LSAMP: variants seen among roughly 807,000 people sequenced by gnomAD.
LSAMP encodes the protein limbic system-associated membrane protein.
In LSAMP, 7 loss-of-function variants were observed where a neutral mutation model predicts 38.6. The observed-to-expected ratio is 0.18, with a 90% CI of 0.10 to 0.34. The LOEUF (loss-of-function observed/expected upper bound fraction) is 0.34, where lower values mean the gene tolerates loss of function less well. Among genes scored for constraint, LSAMP ranks in the 10% least tolerant of loss-of-function variants. The pLI is 1.00. For synonymous variants in LSAMP, 154 were observed against 166.8 expected (o/e 0.92, Z 0.59); for missense variants, 313 against 420.0 (o/e 0.75, Z 2.23).
At chr3:116,302,568 C>G (rs2047424436) in intron 1 of LSAMP, among the ~76,000 whole-genome samples, 1 of 152,184 alleles carries the variant, frequency 6.6e-6, no homozygotes, top group South Asian at 2.1e-4. Context: ...TTTTTGTAGA[C>G]TGTTGTTGAA....
chr3:116,263,053 C>A (rs1417506050), intron 1 of LSAMP, among the ~76,000 whole-genome samples: 1 of 152,158 alleles, frequency 6.6e-6, no homozygotes, highest in East Asian at 1.9e-4. Context: ...CCTGGGGAAG[C>A]CTGTCTGCTC....
At chr3:116,155,524 G>A (rs1022095402) in intron 1 of LSAMP, among the ~76,000 whole-genome samples, 22 of 151,812 alleles carry the variant, frequency 1.4e-4, no homozygotes, top group African/African-American at 5.3e-4. Context: ...CACTGCACTC[G>A]GCCCTATTTT....
At position 116,268,314 on chromosome 3, in the gene LSAMP, C is replaced by A. The variant is rs567422324; in HGVS notation, c.155+176563G>T. 2.6e-5 allele frequency among the ~76,000 whole-genome samples: 4 copies of A among 152,188 alleles called. No individual in the cohort carries two copies. In the East Asian group the frequency reaches 7.7e-4, roughly 29 times the overall value. On this transcript the variant is annotated intron_variant, in intron 1 of 6. Coordinates refer to ENST00000490035, the MANE Select transcript of LSAMP (RefSeq NM_002338.5). ...AGAGTGGTCATGTACACCACAAATG[C>A]TCCTCTGCCTGGCCAACCCAAATGC...
chr3:116,323,656 T>C (rs965672121), intron 1 of LSAMP, among the ~76,000 whole-genome samples: 1 of 152,120 alleles, frequency 6.6e-6, no homozygotes, highest in African/African-American at 2.4e-5. Context: ...CATAGGTTCT[T>C]GGAAAAGCAG....
chr3:116,036,741 C>G (rs976843545), intron 2 of LSAMP, among the ~76,000 whole-genome samples: 4 of 152,136 alleles, frequency 2.6e-5, no homozygotes, highest in Non-Finnish European at 5.9e-5. Context: ...AAATGGCATT[C>G]TCATCAATAG....
intron 3 of LSAMP, among the ~76,000 whole-genome samples, chr3:115,883,540 G>A (rs1254810086): frequency 1.3e-5 from 2 of 152,022 alleles, no homozygotes; most frequent in Non-Finnish European, 2.9e-5. Context: ...GAAGGGATGG[G>A]CATATTATTG....
At chr3:116,346,822 A>G (rs1043023533) in intron 1 of LSAMP, among the ~76,000 whole-genome samples, 6 of 152,182 alleles carry the variant, frequency 3.9e-5, no homozygotes, top group African/African-American at 1.4e-4. Context: ...TTCTACACAT[A>G]TCCTAGAGCA....
chr3:115,840,297 G>A (rs760045859), intron 6 of LSAMP, among the ~76,000 whole-genome samples: 1 of 151,956 alleles, frequency 6.6e-6, no homozygotes, highest in Non-Finnish European at 1.5e-5. Flanking sequence ...GCTTAACCAG[G>A]TCAACTCAGA....
chr3:115,924,003 CA>C (rs1264458258), intron 3 of LSAMP, among the ~76,000 whole-genome samples: 6 of 151,970 alleles, frequency 3.9e-5, no homozygotes, highest in African/African-American at 1.4e-4. Flanking sequence ...CAGTATCTAG[CA>C]AGGCCATCAG....
chr3:116,174,911 A>G (rs1414425425), intron 1 of LSAMP, among the ~76,000 whole-genome samples: 1 of 151,992 alleles, frequency 6.6e-6, no homozygotes, highest in Non-Finnish European at 1.5e-5. Flanking sequence ...GCTTCAGTTC[A>G]TTTCCTATCG....
At chr3:116,198,311 G>T (rs186682843) in intron 1 of LSAMP, among the ~76,000 whole-genome samples, 78 of 152,252 alleles carry the variant, frequency 5.1e-4, no homozygotes, top group African/African-American at 1.8e-3. Context: ...GTGTTATGTA[G>T]GTTAAGGGAG....
intron 1 of LSAMP, among the ~76,000 whole-genome samples, chr3:116,232,695 C>CTTT (rs1358749128): frequency 1.5e-4 from 4 of 27,304 alleles, no homozygotes; most frequent in Non-Finnish European, 4.4e-4. Flanking sequence ...TTCTTTCTTT[C>CTTT]TTTCTTTTTT....
At chr3:116,347,161 C>A (rs553666101) in intron 1 of LSAMP, among the ~76,000 whole-genome samples, 1 of 152,218 alleles carries the variant, frequency 6.6e-6, no homozygotes, top group Middle Eastern at 3.4e-3. Context: ...AGTGCTGATA[C>A]TTTTATACTT....
At chr3:116,437,027 ATATATATATATGTG>A (rs768465361) in intron 1 of LSAMP, among the ~76,000 whole-genome samples, 1 of 141,110 alleles carries the variant, frequency 7.1e-6, no homozygotes, top group Non-Finnish European at 1.5e-5. Context: ...ATGTGTGTGT[ATATATATATATGTG>A]TATATATATA....
At chr3:116,061,896 A>G (rs921465650) in intron 2 of LSAMP, among the ~76,000 whole-genome samples, 1 of 152,190 alleles carries the variant, frequency 6.6e-6, no homozygotes, top group Non-Finnish European at 1.5e-5. Context: ...ATTCAAGGAT[A>G]TTATTGCTAT....
At chr3:115,999,524 G>T (rs1489971212) in intron 3 of LSAMP, among the ~76,000 whole-genome samples, 1 of 152,144 alleles carries the variant, frequency 6.6e-6, no homozygotes, top group Non-Finnish European at 1.5e-5. Flanking sequence ...TGAAGGATGA[G>T]CTTCAGGGGA....
rs564061711 is a variant in LSAMP at position 116,100,729 on chromosome 3, G to A, written c.156-14173C>T. Among the ~76,000 whole-genome samples the A allele has an allele frequency of 2.0e-5, 3 of 152,218 alleles. No homozygotes were observed. The South Asian group carries it at 6.2e-4, about 32-fold the overall frequency. On this transcript the variant is annotated intron_variant, in intron 1 of 6. Coordinates refer to ENST00000490035, the MANE Select transcript of LSAMP (RefSeq NM_002338.5). ...TTAAATGTTCGTGGTCTTTTTACCT[G>A]TAAAAATCCAAATAGATTAGTAAAA...
chr3:115,862,034 T>C (rs1290981781), intron 3 of LSAMP, among the ~76,000 whole-genome samples: 1 of 152,142 alleles, frequency 6.6e-6, no homozygotes, highest in African/African-American at 2.4e-5. Context: ...GGGAATAAAA[T>C]AGAAGTAAAG....
At chr3:116,419,880 A>G (rs767343620) in intron 1 of LSAMP, among the ~76,000 whole-genome samples, 9 of 152,178 alleles carry the variant, frequency 5.9e-5, no homozygotes, top group Non-Finnish European at 1.3e-4. Context: ...CTAGTAATAT[A>G]TTTATCATAA....
Sources: allele counts gnomAD v4.1 joint callset (sites outside exome capture counted in the v4.1 genomes callset), GRCh38; gene constraint gnomAD v4.1.1; transcripts MANE v1.5; gene names NCBI Gene and HGNC (gene_info 2026-07-23, HGNC 2026-07-21).